Variants in TMEM108 observed in about 807,000 individuals in gnomAD.
TMEM108 encodes transmembrane protein 108, also known as cancer/testis antigen 124.
Under a neutral mutation model 35.1 loss-of-function variants are expected in TMEM108, and 12 were observed. The ratio of observed to expected loss-of-function variants is 0.34; its 90% confidence interval spans 0.22 to 0.55. TMEM108 has a LOEUF of 0.55. Among genes scored for constraint, TMEM108 ranks in the 20% least tolerant of loss-of-function variants. The probability of loss-of-function intolerance (pLI) is 0.89; values close to 1 mark genes in which losing one functional copy is unlikely to be tolerated. For synonymous variants in TMEM108, 287 were observed against 308.6 expected (o/e 0.93, Z 0.73); for missense variants, 680 against 753.3 (o/e 0.90, Z 1.14).
chr3:133,179,419 A>G (rs1945293844), intron 2 of TMEM108, among the ~76,000 whole-genome samples: 2 of 152,294 alleles, frequency 1.3e-5, no homozygotes, highest in South Asian at 2.1e-4. Flanking sequence ...ATGCCCAACA[A>G]TGATAGACTG....
chr3:133,148,245 A>T (rs972195777), intron 2 of TMEM108, among the ~76,000 whole-genome samples: 1 of 152,208 alleles, frequency 6.6e-6, no homozygotes, highest in East Asian at 1.9e-4. Context: ...AACTGAGAGC[A>T]TCTTTTGGTG....
chr3:133,370,870 T>TTG (rs2072641047), intron 3 of TMEM108, among the ~76,000 whole-genome samples: 1 of 79,524 alleles, frequency 1.3e-5, no homozygotes, highest in African/African-American at 4.4e-5. Flanking sequence ...CCCCAGCCCA[T>TTG]AGTGTGTGTG....
intron 1 of TMEM108, among the ~76,000 whole-genome samples, chr3:133,042,558 C>A (rs1465578400): frequency 6.6e-6 from 1 of 152,134 alleles, no homozygotes; most frequent in Non-Finnish European, 1.5e-5. Context: ...TTTCTGAAGA[C>A]TAAAAATTAT....
chr3:133,092,106 A>G (rs1419498752), intron 2 of TMEM108, among the ~76,000 whole-genome samples: 2 of 152,120 alleles, frequency 1.3e-5, no homozygotes, highest in Non-Finnish European at 2.9e-5. Flanking sequence ...AAACTGAGGC[A>G]CTCTTCTCTG....
chr3:133,125,552 G>A (rs1313225015), intron 2 of TMEM108, among the ~76,000 whole-genome samples: 1 of 152,074 alleles, frequency 6.6e-6, no homozygotes, highest in Non-Finnish European at 1.5e-5. Context: ...ATACAATTTG[G>A]GGGGTAGGTG....
At chr3:133,128,790 G>A (rs1479682250) in intron 2 of TMEM108, among the ~76,000 whole-genome samples, 1 of 152,162 alleles carries the variant, frequency 6.6e-6, no homozygotes, top group African/African-American at 2.4e-5. Flanking sequence ...GCTGGTCTCT[G>A]GTTCTCCGTC....
chr3:133,319,203 T>C (rs576436124), intron 3 of TMEM108, among the ~76,000 whole-genome samples: 1 of 152,286 alleles, frequency 6.6e-6, no homozygotes, highest in African/African-American at 2.4e-5. Flanking sequence ...AAGAAGAGTC[T>C]GAGCTGGGTC....
intron 2 of TMEM108, among the ~76,000 whole-genome samples, chr3:133,049,845 C>G (rs1943382551): frequency 6.6e-6 from 1 of 152,098 alleles, no homozygotes; most frequent in East Asian, 1.9e-4. Context: ...TCCCCTACTT[C>G]CAATTTCCAG....
intron 2 of TMEM108, among the ~76,000 whole-genome samples, chr3:133,054,232 A>G (rs75632496): frequency 0.025 from 3,772 of 152,310 alleles, 175 homozygotes; most frequent in African/African-American, 0.085. Flanking sequence ...GAAAGGATAC[A>G]TGTTTAGTAG....
intron 2 of TMEM108, among the ~76,000 whole-genome samples, chr3:133,096,575 T>A (rs1944018005): frequency 1.3e-5 from 2 of 152,290 alleles, no homozygotes; most frequent in Middle Eastern, 3.4e-3. Flanking sequence ...CCTCACCTCA[T>A]CCAAACACAC....
intron 3 of TMEM108, among the ~76,000 whole-genome samples, chr3:133,244,509 G>T (rs1209667514): frequency 6.6e-6 from 1 of 152,206 alleles, no homozygotes; most frequent in Admixed American, 6.5e-5. Flanking sequence ...ATGCCCCTGG[G>T]TTAGAGATGT....
chr3:133,235,264 T>A (rs12330431), intron 3 of TMEM108, among the ~76,000 whole-genome samples: 36 of 150,706 alleles, frequency 2.4e-4, no homozygotes, highest in African/African-American at 8.7e-4. Context: ...TTAAAGTTCA[T>A]ATGGAACCAA....
intron 3 of TMEM108, among the ~76,000 whole-genome samples, chr3:133,229,934 GT>G (rs1559875687): frequency 2.0e-5 from 3 of 152,212 alleles, no homozygotes; most frequent in African/African-American, 7.2e-5. Context: ...TCACTCATGT[GT>G]TTTGGGTATA....
intron 3 of TMEM108, among the ~76,000 whole-genome samples, chr3:133,360,289 CT>C (rs2072306462): frequency 1.3e-5 from 2 of 152,098 alleles, no homozygotes; most frequent in Non-Finnish European, 2.9e-5. Flanking sequence ...CAAGCGTATA[CT>C]TTTGCCAAAA....
At chr3:133,043,832 C>T (rs1943304055) in intron 1 of TMEM108, among the ~76,000 whole-genome samples, 1 of 152,186 alleles carries the variant, frequency 6.6e-6, no homozygotes, top group South Asian at 2.1e-4. Flanking sequence ...GAAATTGCTG[C>T]TCCTCCTTGG....
chr3:133,175,622 T>G (rs1275094777), intron 2 of TMEM108, among the ~76,000 whole-genome samples: 2 of 152,260 alleles, frequency 1.3e-5, no homozygotes, highest in Non-Finnish European at 2.9e-5. Flanking sequence ...AAGCAAATGC[T>G]GAGAGATTTT....
intron 2 of TMEM108, among the ~76,000 whole-genome samples, chr3:133,192,309 T>A (rs530346554): frequency 6.6e-6 from 1 of 152,138 alleles, no homozygotes; most frequent in South Asian, 2.1e-4. Flanking sequence ...ACACATTGAG[T>A]AGGAGATTTG....
chr3:133,388,659 A>AAGAT, intron 4 of TMEM108: 1 of 985,434 alleles, frequency 1.0e-6, no homozygotes, highest in Non-Finnish European at 1.2e-6. Flanking sequence ...CAAAGCAGAT[A>AAGAT]AGATAAAGTA....
chr3:133,395,871 T>C lies in TMEM108; in HGVS notation c.1613T>C (p.Leu538Pro). Residue 538 changes from leucine (L) to proline (P), a missense_variant, in exon 6 of 6, where the codon CTC (leucine) becomes CCC (proline). Leu to Pro is a moderately conservative substitution (Grantham distance 98). Transcript: ENST00000321871. ...CTCCCTCTCTCTTCCCAGGACCAGC[T>C]CTCAGAGCCCCGCTCCCCAGCCAAT... ...IQSLETSEDQ[L>P]SEPRSPANGD... The C allele has an allele frequency of 6.3e-7, 1 of 1,585,050 alleles. No individual in the cohort carries two copies. The highest frequency in any genetic ancestry group is 8.6e-7 in the Non-Finnish European group (1 of 1,166,436).
Sources: allele counts gnomAD v4.1 joint callset (sites outside exome capture counted in the v4.1 genomes callset), GRCh38; gene constraint gnomAD v4.1.1; transcripts MANE v1.5; gene names NCBI Gene and HGNC (gene_info 2026-07-23, HGNC 2026-07-21).